The following CTBP1 variants were observed in gnomAD, a reference collection of about 807,000 sequenced individuals.
CTBP1 encodes C-terminal-binding protein 1.
CTBP1 carries 11 observed loss-of-function variants against 42.1 expected under a neutral mutation model. The observed-to-expected ratio is 0.26, with a 90% CI of 0.16 to 0.43. The LOEUF is 0.43. Ranked by LOEUF, CTBP1 falls within the 20% of genes least tolerant of loss-of-function variation. The pLI, the probability that CTBP1 is intolerant of heterozygous loss-of-function variation, is 1.00. For missense variants in CTBP1, 399 were observed against 624.3 expected (o/e 0.64, Z 3.85); for synonymous variants, 324 against 277.1 (o/e 1.17, Z -1.68).
At chr4:1,248,800 C>G (rs1733047129) in intron 1 of CTBP1, 116 bp downstream of exon 1, 2 of 945,974 alleles carry the variant, frequency 2.1e-6, no homozygotes, top group Non-Finnish European at 2.5e-6. Flanking sequence ...CACTCGCACA[C>G]AAAGCCGGCG....
chr4:1,222,609 G>T (rs1199128432), intron 5 of CTBP1, among the ~76,000 whole-genome samples: 2 of 152,168 alleles, frequency 1.3e-5, no homozygotes, highest in African/African-American at 2.4e-5. Flanking sequence ...CTCAGGCCAG[G>T]CCTGGGCGGG....
chr4:1,234,122 G>A (rs1036465731), intron 3 of CTBP1, among the ~76,000 whole-genome samples: 12 of 152,202 alleles, frequency 7.9e-5, no homozygotes, highest in African/African-American at 2.7e-4. Flanking sequence ...AAGAAAGCGT[G>A]GGCAGCCAAG....
At position 1,233,222 on chromosome 4, in the gene CTBP1, G is replaced by C. The variant is rs941754128; in HGVS notation, c.163-4879C>G. The stretch of plus-strand genomic sequence containing the variant: ...CAAGAGACCGAGGGGCTCCAGGCCT[G>C]TCCTACACTCCATTACCATGACAAC... On this transcript the variant is annotated intron_variant, in intron 3 of 9. Transcript: ENST00000382952. This position sits in a 1 kb window ranked among gnomAD's most constrained non-coding sequence, Gnocchi z 4.6. 1.3e-5 allele frequency: 2 copies of C among 152,200 alleles called. No homozygotes were observed. The highest frequency in any genetic ancestry group is 4.8e-5 in the African/African-American group (2 of 41,412). 9.4% of individuals were successfully genotyped at this position (152,200 alleles called of 1,614,324 possible).
intron 5 of CTBP1, among the ~76,000 whole-genome samples, chr4:1,219,269 TTGAGCCCCAGTGCTCAAGGCTGCAG>T (rs1293605249): frequency 6.6e-6 from 1 of 152,206 alleles, no homozygotes; most frequent in Non-Finnish European, 1.5e-5. Flanking sequence ...AGAGGATCTC[TTGAGCCCCAGTGCTCAAGGCTGCAG>T]TGAGCCGTGA....
At chr4:1,222,415 C>T (rs1729844418) in intron 5 of CTBP1, among the ~76,000 whole-genome samples, 2 of 152,108 alleles carry the variant, frequency 1.3e-5, no homozygotes, top group South Asian at 2.1e-4. Context: ...CAGAGGGGCC[C>T]GCGCCGAGAG....
intron 4 of CTBP1, among the ~76,000 whole-genome samples, chr4:1,227,574 G>A (rs1730503405): frequency 6.7e-6 from 1 of 150,312 alleles, no homozygotes; most frequent in African/African-American, 2.5e-5. Flanking sequence ...TGTGTGCTGA[G>A]TGTGCGTGAT....
chr4:1,215,695 C>G, intron 6 of CTBP1: 1 of 458,446 alleles, frequency 2.2e-6, no homozygotes, highest in Non-Finnish European at 4.0e-6. Context: ...CCCCAGGTAG[C>G]TGCATCTGTC....
intron 5 of CTBP1, among the ~76,000 whole-genome samples, chr4:1,219,766 G>C (rs73069916): frequency 0.016 from 2,411 of 152,326 alleles, 77 homozygotes; most frequent in African/African-American, 0.055. Context: ...AACTCCTGGT[G>C]ATCCTCCGGC....
intron 3 of CTBP1, among the ~76,000 whole-genome samples, chr4:1,230,640 C>T (rs1197611780): frequency 6.6e-6 from 1 of 152,216 alleles, no homozygotes; most frequent in Non-Finnish European, 1.5e-5. Flanking sequence ...CTTGTGTGTA[C>T]GCAGGCAACA....
chr4:1,225,205 G>T, intron 5 of CTBP1, 155 bp downstream of exon 5: 1 of 851,300 alleles, frequency 1.2e-6, no homozygotes, highest in Non-Finnish European at 1.8e-6. Context: ...GGACTCCCGG[G>T]CCCTGGTGCC....
Position 1,238,170 on chromosome 4 carries a change from C to T in CTBP1, c.162+13G>A. ...TGCGGTTCTGCCAGCCCCAGGCGACCACGTGGTGGTACCTTCTCATGGATC... is the reference window on the plus strand; with the variant it reads ...TGCGGTTCTGCCAGCCCCAGGCGACTACGTGGTGGTACCTTCTCATGGATC... On this transcript the variant is annotated intron_variant, in intron 3 of 9. Transcript: ENST00000382952. The surrounding 1 kb of genome is among the most constrained non-coding windows in gnomAD (Gnocchi z 5.9). 6.2e-7 allele frequency: 1 copy of T among 1,612,804 alleles called. No individual in the cohort carries two copies. Among genetic ancestry groups the T allele is most frequent in the Non-Finnish European group, 8.5e-7 (1 of 1,179,796 alleles).
In CTBP1 at chr4:1,233,792, G is replaced by T. The variant is rs938064359; in HGVS notation, c.162+4391C>A. 6.6e-6 allele frequency among the ~76,000 whole-genome samples: 1 copy of T among 152,190 alleles called. No homozygotes were observed. Among genetic ancestry groups the T allele is most frequent in the Non-Finnish European group, 1.5e-5 (1 of 68,036 alleles). On this transcript the variant is annotated intron_variant, in intron 3 of 9. Transcript: ENST00000382952. This position sits in a 1 kb window ranked among gnomAD's most constrained non-coding sequence, Gnocchi z 4.6. ...TCTCCCTCCACGGCACTCAGACGGCGGCGACCTCCAACCAGCTATGCGGGA... is the reference window on the plus strand; with the variant it reads ...TCTCCCTCCACGGCACTCAGACGGCTGCGACCTCCAACCAGCTATGCGGGA...
intron 3 of CTBP1, among the ~76,000 whole-genome samples, chr4:1,229,209 G>A (rs1056643276): frequency 3.4e-4 from 52 of 152,322 alleles, no homozygotes; most frequent in Non-Finnish European, 1.2e-4. Context: ...CACAGGTGGA[G>A]GAAGTGCCCT....
At chr4:1,242,043 T>C (rs923126372) in intron 1 of CTBP1, 5 of 989,802 alleles carry the variant, frequency 5.1e-6, no homozygotes, top group Non-Finnish European at 4.8e-6. Flanking sequence ...CTGCCTGCAC[T>C]GAGCCGCGCC....
rs531825208 is a variant in CTBP1 at position 1,238,907 on chromosome 4, G to A, written c.8-570C>T. On this transcript the variant is annotated intron_variant, in intron 2 of 9. Coordinates refer to ENST00000382952, the MANE Select transcript of CTBP1 (RefSeq NM_001012614.2). This position sits in a 1 kb window ranked among gnomAD's most constrained non-coding sequence, Gnocchi z 5.9. ...ACTGGAGGACACAAGATGACAGCACGGGACTTTGGGAACATGGTTGTCCCT... is the reference window on the plus strand; with the variant it reads ...ACTGGAGGACACAAGATGACAGCACAGGACTTTGGGAACATGGTTGTCCCT... Among the ~76,000 whole-genome samples the A allele has an allele frequency of 6.3e-4, 96 of 152,124 alleles. No homozygotes were observed. The highest frequency in any genetic ancestry group is 8.7e-4 in the Non-Finnish European group (59 of 68,010).
At chr4:1,241,221 C>T (rs1422901763) in intron 2 of CTBP1, 104 bp downstream of exon 2, 7 of 775,126 alleles carry the variant, frequency 9.0e-6, no homozygotes, top group Non-Finnish European at 1.4e-5. Context: ...GACGCCCATG[C>T]AGCCCAGGTC....
At chr4:1,241,161 C>T (rs1386286317) in intron 2 of CTBP1, among the ~76,000 whole-genome samples, 164 bp downstream of exon 2, 2 of 152,210 alleles carry the variant, frequency 1.3e-5, no homozygotes, top group Non-Finnish European at 2.9e-5. Context: ...TCGAGGGGCA[C>T]CTGACCTCGC....
intron 3 of CTBP1, among the ~76,000 whole-genome samples, chr4:1,229,272 C>T (rs547061463): frequency 6.6e-6 from 1 of 152,194 alleles, no homozygotes; most frequent in Non-Finnish European, 1.5e-5. Flanking sequence ...GTGTGTGCAC[C>T]ACCTGCGCAT....
rs889232847 is a variant in CTBP1, at chr4:1,235,071, G to C, written c.162+3112C>G. 6.6e-6 allele frequency: 1 copy of C among 152,214 alleles called. No individual in the cohort carries two copies. The highest frequency in any genetic ancestry group is 1.5e-5 in the Non-Finnish European group (1 of 68,060). The allele number at this position is 152,214 out of a possible 1,614,324, so 9.4% of individuals were successfully genotyped here. ...ACCCAGGGTGTGGCAGGGACCCAGC[G>C]TTCATGCCTGTTGCTGAGGAGGACA... On this transcript the variant is annotated intron_variant, in intron 3 of 9. Coordinates refer to ENST00000382952, the MANE Select transcript of CTBP1 (RefSeq NM_001012614.2). The surrounding 1 kb of genome is among the most constrained non-coding windows in gnomAD (Gnocchi z 4.2).
Sources: gnomAD v4.1 joint callset for allele counts (sites outside exome capture counted in the v4.1 genomes callset) on GRCh38, gnomAD v4.1.1 for gene constraint, Gnocchi (gnomAD v3.1) non-coding constraint, MANE v1.5 for transcripts, NCBI Gene and HGNC (gene_info 2026-07-23, HGNC 2026-07-21) for gene names.